C12orf42: variants seen among roughly 807,000 people sequenced by gnomAD.
C12orf42 encodes the protein uncharacterized protein C12orf42.
In C12orf42, 25 loss-of-function variants were observed where a neutral mutation model predicts 21.6. The ratio of observed to expected loss-of-function variants is 1.16; its 90% CI spans 0.84 to 1.62. The LOEUF (loss-of-function observed/expected upper bound fraction) is 1.62, where lower values mean the gene tolerates loss of function less well. C12orf42 is among the 40% of genes most tolerant of loss of function. C12orf42 has a pLI of 0.00. For missense variants in C12orf42, 483 were observed against 459.3 expected, an observed-to-expected ratio of 1.05 and a Z score of -0.47; for synonymous variants, 174 against 175.0, an observed-to-expected ratio of 0.99 and a Z score of 0.05.
chr12:103,550,319 G>GT, the C12orf42 span: 1 of 152,008 alleles, frequency 6.6e-6, no homozygotes, highest in Non-Finnish European at 1.5e-5. Context: ...GTTTTGAGTG[G>GT]TAACTTTTCC....
At chr12:103,173,033 G>A in the C12orf42 span, among the ~76,000 whole-genome samples, 1 of 152,042 alleles carries the variant, frequency 6.6e-6, no homozygotes, top group Admixed American at 6.6e-5. Context: ...GTTTTTAGGG[G>A]GAACATTAGC....
At chr12:103,452,244 C>T (rs1257697460) in intron 2 of C12orf42, among the ~76,000 whole-genome samples, 1 of 152,012 alleles carries the variant, frequency 6.6e-6, no homozygotes, top group East Asian at 1.9e-4. Flanking sequence ...GGGTTGTTTG[C>T]ATGATGGTGT....
intron 2 of C12orf42, among the ~76,000 whole-genome samples, chr12:103,437,679 C>T (rs1014343306): frequency 4.0e-5 from 6 of 151,594 alleles, no homozygotes; most frequent in Non-Finnish European, 8.9e-5. Flanking sequence ...TTCCTCGACA[C>T]ATACACTCTC....
intron 4 of C12orf42, among the ~76,000 whole-genome samples, chr12:103,363,182 GA>G (rs2044268474): frequency 2.0e-5 from 3 of 152,128 alleles, no homozygotes; most frequent in Admixed American, 2.0e-4. Context: ...GAATGGATTG[GA>G]AACCTTTCTT....
the C12orf42 span, among the ~76,000 whole-genome samples, chr12:103,129,102 C>T: frequency 4.6e-5 from 7 of 152,236 alleles, no homozygotes; most frequent in East Asian, 1.4e-3. Flanking sequence ...ACCACTCTAT[C>T]TTTGATCTTT....
chr12:103,356,948 A>G lies in C12orf42; in HGVS notation c.259+11939T>C, dbSNP rs180832654. On this transcript the variant is annotated intron_variant, in intron 4 of 5. Transcript: ENST00000548883. ...TACACCATGGAATACTATATACACCATGGAATACTATGCAGCCATAAAAAA... is the reference window on the plus strand; with the variant it reads ...TACACCATGGAATACTATATACACCGTGGAATACTATGCAGCCATAAAAAA... 4.6e-3 allele frequency among the ~76,000 whole-genome samples: 694 copies of G among 152,118 alleles called. 5 individuals are homozygous for G. The highest frequency in any genetic ancestry group is 0.012 in the South Asian group (59 of 4,814).
the C12orf42 span, among the ~76,000 whole-genome samples, chr12:103,099,236 G>A: frequency 6.6e-6 from 1 of 152,016 alleles, no homozygotes; most frequent in Non-Finnish European, 1.5e-5. Context: ...ACTCCTAGAT[G>A]GAAAATGCAA....
At chr12:103,251,724 T>C (rs955537552) in intron 10 of C12orf42, among the ~76,000 whole-genome samples, 15 of 152,234 alleles carry the variant, frequency 9.9e-5, no homozygotes, top group Non-Finnish European at 1.5e-4. Context: ...ATTTACAGTG[T>C]TTCATAATTT....
At position 103,495,910 on chromosome 12, in the gene C12orf42, G is replaced by A; in HGVS notation, c.-30C>T. 6.6e-6 allele frequency: 1 copy of A among 152,578 alleles called. No homozygotes were observed. Among genetic ancestry groups the A allele is most frequent in the Non-Finnish European group, 1.5e-5 (1 of 68,242 alleles). The allele number at this position is 152,578 out of a possible 1,614,324, so 9.5% of individuals were successfully genotyped here. On this transcript the variant is annotated 5_prime_UTR_variant, in exon 1 of 6. Transcript: ENST00000548883. ...GCGCTCCCTGCGTCTACCTGGAGCT[G>A]CAGGGTCCCTATCCCGGGGCGCCGC...
chr12:103,444,011 G>A (rs925638006), intron 2 of C12orf42, among the ~76,000 whole-genome samples: 2 of 151,934 alleles, frequency 1.3e-5, no homozygotes, highest in Admixed American at 6.6e-5. Flanking sequence ...TTCTTTACCT[G>A]TGCCATTTGT....
At chr12:103,197,381 C>T in the C12orf42 span, among the ~76,000 whole-genome samples, 2 of 152,118 alleles carry the variant, frequency 1.3e-5, no homozygotes, top group African/African-American at 4.8e-5. Flanking sequence ...TTGTGAAATA[C>T]TTGTAGTGAG....
chr12:103,482,747 C>G (rs1308820416), intron 1 of C12orf42, among the ~76,000 whole-genome samples: 1 of 151,856 alleles, frequency 6.6e-6, no homozygotes, highest in Admixed American at 6.6e-5. Context: ...ATTTGTTAGA[C>G]CTTTTTCTCT....
At chr12:103,073,765 C>A in the C12orf42 span, among the ~76,000 whole-genome samples, 1 of 152,030 alleles carries the variant, frequency 6.6e-6, no homozygotes, top group Non-Finnish European at 1.5e-5. Context: ...AAGTACTGAC[C>A]AACCTGACTA....
exon 11 of C12orf42, chr12:103,237,853 G>C (rs2033522579): frequency 6.6e-6 from 1 of 152,192 alleles, no homozygotes; most frequent in Admixed American, 6.6e-5. Flanking sequence ...GGTAACTGGT[G>C]CTACGTTAGT....
At chr12:103,054,537 G>T in the C12orf42 span, among the ~76,000 whole-genome samples, 1 of 151,760 alleles carries the variant, frequency 6.6e-6, no homozygotes. Flanking sequence ...AATAGGGACT[G>T]TTACATGTTT....
chr12:103,557,271 CT>C, the C12orf42 span: 1 of 152,090 alleles, frequency 6.6e-6, no homozygotes, highest in African/African-American at 2.4e-5. Context: ...TGTCCAAAAG[CT>C]TTTTTAACTC....
chr12:103,075,952 T>C, the C12orf42 span, among the ~76,000 whole-genome samples: 4 of 152,160 alleles, frequency 2.6e-5, no homozygotes, highest in Admixed American at 2.6e-4. Flanking sequence ...GCTAGTTTAG[T>C]GAACAGAAGG....
intron 3 of C12orf42, among the ~76,000 whole-genome samples, chr12:103,370,143 T>C (rs2045062804): frequency 1.3e-5 from 2 of 152,094 alleles, no homozygotes; most frequent in African/African-American, 2.4e-5. Flanking sequence ...TCAACATCAC[T>C]AATCATTAGA....
At chr12:103,062,036 T>C in the C12orf42 span, among the ~76,000 whole-genome samples, 14 of 152,170 alleles carry the variant, frequency 9.2e-5, no homozygotes, top group African/African-American at 3.4e-4. Flanking sequence ...AATGTTTACA[T>C]GCATCATTGA....
Sources: allele counts gnomAD v4.1 joint callset (sites outside exome capture counted in the v4.1 genomes callset), GRCh38; gene constraint gnomAD v4.1.1; transcripts MANE v1.5; gene names NCBI Gene and HGNC (gene_info 2026-07-23, HGNC 2026-07-21).